GLRB: variants seen among roughly 807,000 people sequenced by gnomAD.
The protein encoded by GLRB is glycine receptor subunit beta.
In GLRB, 33 loss-of-function variants were observed where a neutral mutation model predicts 54.2. The observed-to-expected ratio is 0.61, with a 90% CI of 0.46 to 0.81. The LOEUF (loss-of-function observed/expected upper bound fraction) is 0.81. GLRB is among the 40% of genes least tolerant of loss of function. The pLI is 0.00. For missense variants in GLRB, 572 were observed against 584.6 expected (o/e 0.98, Z 0.22); for synonymous variants, 209 against 208.2 (o/e 1.00, Z -0.03).
At chr4:157,116,772 A>G (rs1044046725) in intron 2 of GLRB, among the ~76,000 whole-genome samples, 20 of 151,896 alleles carry the variant, frequency 1.3e-4, no homozygotes, top group Admixed American at 5.3e-4. Flanking sequence ...GCATATGAAT[A>G]TAAACTACAT....
intron 6 of GLRB, among the ~76,000 whole-genome samples, chr4:157,137,614 A>C (rs1255274070): frequency 6.6e-6 from 1 of 152,162 alleles, no homozygotes; most frequent in Non-Finnish European, 1.5e-5. Flanking sequence ...ATTCTAGGTT[A>C]TATGTCTAAA....
chr4:157,101,438 T>A (rs961648095), intron 2 of GLRB, among the ~76,000 whole-genome samples: 1 of 152,082 alleles, frequency 6.6e-6, no homozygotes, highest in Admixed American at 6.5e-5. Context: ...AACTTGAAAC[T>A]TTTAAGGAGG....
At chr4:157,105,948 T>G (rs547014117) in intron 2 of GLRB, among the ~76,000 whole-genome samples, 2 of 152,244 alleles carry the variant, frequency 1.3e-5, no homozygotes, top group South Asian at 4.1e-4. Flanking sequence ...ATTAAAATAA[T>G]TTAACCATCA....
intron 6 of GLRB, among the ~76,000 whole-genome samples, chr4:157,138,507 C>A (rs1736491249): frequency 6.6e-6 from 1 of 152,096 alleles, no homozygotes; most frequent in Non-Finnish European, 1.5e-5. Context: ...TATTGATGAC[C>A]ATTAAAAACT....
chr4:157,079,254 AT>A (rs1734144958), intron 2 of GLRB, among the ~76,000 whole-genome samples: 1 of 152,208 alleles, frequency 6.6e-6, no homozygotes, highest in Non-Finnish European at 1.5e-5. Context: ...TTCAATTAAT[AT>A]TTCTCAAATG....
chr4:157,129,338 G>T (rs2126549708), intron 4 of GLRB, among the ~76,000 whole-genome samples: 1 of 151,780 alleles, frequency 6.6e-6, no homozygotes, highest in East Asian at 1.9e-4. Context: ...AATTGAAAAT[G>T]AAAATAAATA....
chr4:157,107,645 C>G (rs901554524), intron 2 of GLRB, among the ~76,000 whole-genome samples: 4 of 152,036 alleles, frequency 2.6e-5, no homozygotes, highest in African/African-American at 7.2e-5. Context: ...GAGGTTGGTT[C>G]ATGAGGTTGA....
At chr4:157,126,332 T>C (rs1736015284) in intron 4 of GLRB, among the ~76,000 whole-genome samples, 1 of 151,908 alleles carries the variant, frequency 6.6e-6, no homozygotes, top group Admixed American at 6.6e-5. Context: ...GCCTTATTAA[T>C]ATTCCTTAAG....
At chr4:157,104,042 C>A (rs2126488990) in intron 2 of GLRB, among the ~76,000 whole-genome samples, 1 of 151,882 alleles carries the variant, frequency 6.6e-6, no homozygotes, top group African/African-American at 2.4e-5. Flanking sequence ...ACTTGGATGT[C>A]TTCCTTTTCT....
intron 8 of GLRB, among the ~76,000 whole-genome samples, chr4:157,151,086 C>A (rs1327931189): frequency 2.6e-5 from 4 of 152,052 alleles, no homozygotes; most frequent in Non-Finnish European, 5.9e-5. Context: ...AGTTTCTAAT[C>A]TATCAGGATA....
chr4:157,168,204 A>G (rs569088466), intron 9 of GLRB, among the ~76,000 whole-genome samples: 1 of 152,060 alleles, frequency 6.6e-6, no homozygotes, highest in South Asian at 2.1e-4. Context: ...TGCCATGCAG[A>G]TGTAGGCACT....
At chr4:157,103,633 G>A (rs904374212) in intron 2 of GLRB, among the ~76,000 whole-genome samples, 6 of 151,924 alleles carry the variant, frequency 3.9e-5, no homozygotes, top group African/African-American at 1.5e-4. Flanking sequence ...GATCCTTTTG[G>A]GTAGTATGGG....
At chr4:157,110,522 C>G (rs1294431398) in intron 2 of GLRB, among the ~76,000 whole-genome samples, 1 of 151,892 alleles carries the variant, frequency 6.6e-6, no homozygotes, top group Non-Finnish European at 1.5e-5. Context: ...GAAATTCATA[C>G]TTTGTGTATT....
intron 4 of GLRB, among the ~76,000 whole-genome samples, chr4:157,129,262 T>C (rs1018391084): frequency 2.0e-5 from 3 of 151,694 alleles, no homozygotes; most frequent in Non-Finnish European, 4.4e-5. Context: ...ATAAAAGAGG[T>C]CTGTTTCTGA....
intron 2 of GLRB, among the ~76,000 whole-genome samples, chr4:157,087,718 G>A (rs1482147396): frequency 1.3e-5 from 2 of 151,976 alleles, no homozygotes; most frequent in African/African-American, 4.8e-5. Context: ...TATGAGGAAG[G>A]TGAATTGTCT....
chr4:157,117,675 G>C (rs1252088212), intron 2 of GLRB, among the ~76,000 whole-genome samples: 1 of 151,560 alleles, frequency 6.6e-6, no homozygotes, highest in African/African-American at 2.4e-5. Context: ...AATAACGAGT[G>C]GAACTGCTTA....
intron 9 of GLRB, among the ~76,000 whole-genome samples, chr4:157,158,939 G>T (rs904371755): frequency 6.6e-6 from 1 of 152,078 alleles, no homozygotes; most frequent in Non-Finnish European, 1.5e-5. Context: ...CCATTTTCAC[G>T]ATATTGATTC....
chr4:157,122,715 T>C (rs943040020), intron 4 of GLRB, among the ~76,000 whole-genome samples: 5 of 151,838 alleles, frequency 3.3e-5, no homozygotes, highest in Admixed American at 2.6e-4. Flanking sequence ...GTTTTTGTTT[T>C]CTAATATGCT....
intron 8 of GLRB, among the ~76,000 whole-genome samples, chr4:157,150,629 A>G (rs906526996): frequency 6.6e-6 from 1 of 152,012 alleles, no homozygotes; most frequent in African/African-American, 2.4e-5. Context: ...GTGCTGTGTC[A>G]TGATCATCGG....
Sources: gnomAD v4.1 joint callset for allele counts (sites outside exome capture counted in the v4.1 genomes callset) on GRCh38, gnomAD v4.1.1 for gene constraint, MANE v1.5 for transcripts, NCBI Gene and HGNC (gene_info 2026-07-23, HGNC 2026-07-21) for gene names.